CCNY: variants seen among roughly 807,000 people sequenced by gnomAD.
The protein encoded by CCNY is cyclin-Y.
Under a neutral mutation model 42.8 loss-of-function variants are expected in CCNY, and 19 were observed. That is an observed-to-expected ratio of 0.44 (90% CI 0.31 to 0.65). The LOEUF is 0.65. CCNY is among the 30% of genes least tolerant of loss of function. CCNY has a pLI of 0.07. For synonymous variants in CCNY, 165 were observed against 162.7 expected (o/e 1.01, Z -0.11); for missense variants, 370 against 437.3 (o/e 0.85, Z 1.37).
intron 3 of CCNY, among the ~76,000 whole-genome samples, chr10:35,261,469 C>T (rs112745333): frequency 0.26 from 39,885 of 151,344 alleles, 5,655 homozygotes; most frequent in African/African-American, 0.36. Context: ...AACTCCTGAC[C>T]TCAGGTGATC....
chr10:35,528,422 G>A (rs1466451107), intron 5 of CCNY, among the ~76,000 whole-genome samples: 1 of 152,188 alleles, frequency 6.6e-6, no homozygotes, highest in Admixed American at 6.5e-5. Context: ...TAATTGCTGT[G>A]GCTGAGCGCA....
chr10:35,303,338 G>A (rs1274660672), intron 3 of CCNY, among the ~76,000 whole-genome samples: 4 of 151,550 alleles, frequency 2.6e-5, no homozygotes, highest in Non-Finnish European at 5.9e-5. Flanking sequence ...GCACCATGAC[G>A]CCTGGCTAAT....
intron 2 of CCNY, among the ~76,000 whole-genome samples, chr10:35,488,753 G>T (rs1004007600): frequency 2.6e-5 from 4 of 152,056 alleles, no homozygotes; most frequent in African/African-American, 9.7e-5. Flanking sequence ...AAAATAAACT[G>T]GCCTTCTTTA....
intron 3 of CCNY, among the ~76,000 whole-genome samples, chr10:35,280,988 C>T (rs759156174): frequency 1.3e-5 from 2 of 152,130 alleles, no homozygotes; most frequent in Non-Finnish European, 2.9e-5. Context: ...AAAAAGCACA[C>T]GAAAAGTTGC....
chr10:35,501,751 T>C, intron 3 of CCNY: 2 of 500,338 alleles, frequency 4.0e-6, no homozygotes, highest in Non-Finnish European at 7.2e-6. Context: ...TAGACCACTA[T>C]TGTTCATGAG....
intron 8 of CCNY, among the ~76,000 whole-genome samples, chr10:35,558,832 T>C (rs1337977483): frequency 6.6e-6 from 1 of 152,222 alleles, no homozygotes; most frequent in Non-Finnish European, 1.5e-5. Flanking sequence ...ATTTCTGTTG[T>C]TGAAGCCACC....
At chr10:35,319,939 C>T (rs975180631) in intron 3 of CCNY, among the ~76,000 whole-genome samples, 2 of 151,836 alleles carry the variant, frequency 1.3e-5, no homozygotes, top group African/African-American at 4.8e-5. Context: ...GACACTGTGA[C>T]ACTCTGTCTC....
chr10:35,335,587 T>G (rs1355090785), upstream of CCNY, among the ~76,000 whole-genome samples: 1 of 151,494 alleles, frequency 6.6e-6, no homozygotes, highest in East Asian at 1.9e-4. Context: ...CCAGGTGCCG[T>G]GGCTCATGCC....
chr10:35,378,851 A>AATGGG (rs1837112978), intron 1 of CCNY, among the ~76,000 whole-genome samples: 2 of 152,088 alleles, frequency 1.3e-5, no homozygotes, highest in Admixed American at 1.3e-4. Context: ...TTAGGGGTGG[A>AATGGG]ATGGGTACCT....
chr10:35,297,530 A>G (rs1835485516), intron 3 of CCNY, among the ~76,000 whole-genome samples: 2 of 152,220 alleles, frequency 1.3e-5, no homozygotes, highest in Admixed American at 6.5e-5. Flanking sequence ...AAGGCATCCA[A>G]ATAGGAAGAG....
At chr10:35,501,853 A>G (rs981791058) in intron 3 of CCNY, among the ~76,000 whole-genome samples, 3 of 152,042 alleles carry the variant, frequency 2.0e-5, no homozygotes, top group African/African-American at 7.2e-5. Flanking sequence ...TCCTTTCTCT[A>G]CCCTCACCCC....
chr10:35,366,773 A>G (rs889148019), intron 1 of CCNY, among the ~76,000 whole-genome samples: 10 of 152,236 alleles, frequency 6.6e-5, no homozygotes, highest in Non-Finnish European at 1.5e-4. Flanking sequence ...TGTGGTAGTC[A>G]CTAGCCACGT....
chr10:35,260,584 T>C (rs2095718855), intron 3 of CCNY, among the ~76,000 whole-genome samples: 1 of 152,210 alleles, frequency 6.6e-6, no homozygotes, highest in South Asian at 2.1e-4. Context: ...CTGGGAAATT[T>C]TAGAAGAATG....
intron 1 of CCNY, among the ~76,000 whole-genome samples, chr10:35,384,798 C>T (rs760215352): frequency 6.6e-6 from 1 of 152,178 alleles, no homozygotes; most frequent in Non-Finnish European, 1.5e-5. Flanking sequence ...GAAGAGCTTT[C>T]CTCACAAATT....
intron 1 of CCNY, among the ~76,000 whole-genome samples, chr10:35,443,632 A>G (rs1197362231): frequency 6.6e-6 from 1 of 152,220 alleles, no homozygotes; most frequent in Non-Finnish European, 1.5e-5. Context: ...CTTAGAAGCA[A>G]AATTTACTCA....
intron 3 of CCNY, among the ~76,000 whole-genome samples, chr10:35,291,400 T>C (rs1257326824): frequency 6.6e-6 from 1 of 152,196 alleles, no homozygotes; most frequent in Non-Finnish European, 1.5e-5. Flanking sequence ...TTTCTTTTTA[T>C]TGCCAAACAA....
chr10:35,520,043 G>A (rs1356088999), intron 4 of CCNY, among the ~76,000 whole-genome samples: 2 of 152,058 alleles, frequency 1.3e-5, no homozygotes, highest in Non-Finnish European at 2.9e-5. Flanking sequence ...GAGATTATAG[G>A]CGTCAGCCAC....
intron 8 of CCNY, among the ~76,000 whole-genome samples, chr10:35,559,727 G>A (rs1841428590): frequency 6.6e-6 from 1 of 152,254 alleles, no homozygotes. Flanking sequence ...GGCATGACTT[G>A]TGATATCCTC....
chr10:35,532,844 A>G (rs576106130), intron 7 of CCNY, among the ~76,000 whole-genome samples: 1 of 152,314 alleles, frequency 6.6e-6, no homozygotes, highest in African/African-American at 2.4e-5. Flanking sequence ...CTTCGACAAC[A>G]TGAAAAGCTC....
Sources: gnomAD v4.1 joint callset for allele counts (sites outside exome capture counted in the v4.1 genomes callset) on GRCh38, gnomAD v4.1.1 for gene constraint, MANE v1.5 for transcripts, NCBI Gene and HGNC (gene_info 2026-07-23, HGNC 2026-07-21) for gene names.